Variants in KCNIP1 observed in about 807,000 individuals in gnomAD.
KCNIP1 encodes A-type potassium channel modulatory protein KCNIP1.
In KCNIP1, 18 loss-of-function variants were observed where a neutral mutation model predicts 33.0. The ratio of observed to expected loss-of-function variants is 0.55; its 90% confidence interval spans 0.38 to 0.81. The LOEUF (loss-of-function observed/expected upper bound fraction) is 0.81, where lower values mean the gene tolerates loss of function less well. Among genes scored for constraint, KCNIP1 ranks in the 30% least tolerant of loss-of-function variants. The pLI, the probability that KCNIP1 is intolerant of heterozygous loss-of-function variation, is 0.00. For synonymous variants in KCNIP1, 93 were observed against 98.3 expected, an observed-to-expected ratio of 0.95 and a Z score of 0.32; for missense variants, 238 against 271.6, an observed-to-expected ratio of 0.88 and a Z score of 0.87.
intron 1 of KCNIP1, among the ~76,000 whole-genome samples, chr5:170,365,585 C>T (rs539775176): frequency 2.0e-5 from 3 of 152,314 alleles, no homozygotes; most frequent in East Asian, 1.9e-4. Flanking sequence ...CCAAGGGGCT[C>T]CTCTGGGAGG....
At chr5:170,645,479 A>T (rs1760749060) in intron 1 of KCNIP1, among the ~76,000 whole-genome samples, 1 of 152,194 alleles carries the variant, frequency 6.6e-6, no homozygotes, top group African/African-American at 2.4e-5. Context: ...GAAGACAAAA[A>T]ATGATATAAA....
chr5:170,632,082 C>T (rs1760070788), intron 1 of KCNIP1, among the ~76,000 whole-genome samples: 1 of 152,194 alleles, frequency 6.6e-6, no homozygotes, highest in South Asian at 2.1e-4. Flanking sequence ...AGAGGACCTT[C>T]GTGCCTGTCC....
At chr5:170,692,062 T>C (rs1762741100) in intron 1 of KCNIP1, among the ~76,000 whole-genome samples, 1 of 152,166 alleles carries the variant, frequency 6.6e-6, no homozygotes, top group South Asian at 2.1e-4. Context: ...ATTCAAAAAT[T>C]GCTTGATATA....
At chr5:170,710,342 A>G (rs1763402933) in intron 1 of KCNIP1, among the ~76,000 whole-genome samples, 1 of 152,110 alleles carries the variant, frequency 6.6e-6, no homozygotes, top group Non-Finnish European at 1.5e-5. Flanking sequence ...GACTTTTTGT[A>G]TATATTCTGG....
intron 1 of KCNIP1, among the ~76,000 whole-genome samples, chr5:170,677,046 C>T (rs964556388): frequency 5.3e-5 from 8 of 152,180 alleles, no homozygotes; most frequent in African/African-American, 1.7e-4. Context: ...CCAGACTATA[C>T]GTACTCAATA....
At chr5:170,579,349 T>TA (rs1388223602) in intron 1 of KCNIP1, among the ~76,000 whole-genome samples, 24 of 152,154 alleles carry the variant, frequency 1.6e-4, no homozygotes, top group Middle Eastern at 3.2e-3. Context: ...ACCTGCATTT[T>TA]AAAAAAATCA....
chr5:170,498,581 C>G (rs1374304686), intron 1 of KCNIP1, among the ~76,000 whole-genome samples: 5 of 152,136 alleles, frequency 3.3e-5, no homozygotes, highest in Admixed American at 1.3e-4. Flanking sequence ...TTTCTTCAGC[C>G]CTAGACCTCC....
At chr5:170,634,145 G>A (rs558235875) in intron 1 of KCNIP1, among the ~76,000 whole-genome samples, 48 of 152,332 alleles carry the variant, frequency 3.2e-4, no homozygotes, top group Admixed American at 7.2e-4. Flanking sequence ...ATTGGTCTGA[G>A]CAGATAACCA....
chr5:170,666,318 G>A (rs1219248763), intron 1 of KCNIP1, among the ~76,000 whole-genome samples: 1 of 152,114 alleles, frequency 6.6e-6, no homozygotes, highest in East Asian at 1.9e-4. Context: ...TTTGGGTTTT[G>A]TGTGTGTTTG....
intron 1 of KCNIP1, among the ~76,000 whole-genome samples, chr5:170,591,952 G>T (rs1758278676): frequency 6.6e-6 from 1 of 152,088 alleles, no homozygotes; most frequent in Non-Finnish European, 1.5e-5. Flanking sequence ...AGTTCTTTTG[G>T]ATATGTATCC....
rs548542919 is a variant in KCNIP1, at chr5:170,407,860, A to T, written c.88+53896A>T. Reference sequence around the variant, plus strand: ...TACTGTTTGCTCAAAACACTACCTCATCTTCAGTGGCGTAGTGACAGTGAC... The same window carrying T: ...TACTGTTTGCTCAAAACACTACCTCTTCTTCAGTGGCGTAGTGACAGTGAC... On this transcript the variant is annotated intron_variant, in intron 1 of 7. Transcript: ENST00000377360. 2.3e-3 allele frequency among the ~76,000 whole-genome samples: 338 copies of T among 149,620 alleles called. 2 individuals carry two copies. Among genetic ancestry groups the T allele is most frequent in the Admixed American group, 3.7e-3 (55 of 14,856 alleles).
chr5:170,585,712 G>T (rs1223320529), intron 1 of KCNIP1, among the ~76,000 whole-genome samples: 1 of 152,200 alleles, frequency 6.6e-6, no homozygotes, highest in Non-Finnish European at 1.5e-5. Context: ...GGAAATTAGA[G>T]CTGAATGCAT....
chr5:170,650,800 T>C (rs1194285950), intron 1 of KCNIP1, among the ~76,000 whole-genome samples: 1 of 152,168 alleles, frequency 6.6e-6, no homozygotes, highest in African/African-American at 2.4e-5. Context: ...CATTAATAAA[T>C]TGGATTTCAT....
chr5:170,674,976 T>G (rs1379430611), intron 1 of KCNIP1, among the ~76,000 whole-genome samples: 3 of 41,182 alleles, frequency 7.3e-5, no homozygotes, highest in Non-Finnish European at 1.2e-4. Flanking sequence ...TTTTGTTTTG[T>G]TTTTTTTTTT....
intron 1 of KCNIP1, among the ~76,000 whole-genome samples, chr5:170,643,172 G>A (rs1488936794): frequency 6.6e-6 from 1 of 152,250 alleles, no homozygotes; most frequent in African/African-American, 2.4e-5. Flanking sequence ...AGGCTGGAGT[G>A]ACACCTGGAA....
chr5:170,581,173 A>G (rs538822195), intron 1 of KCNIP1, among the ~76,000 whole-genome samples: 1 of 152,312 alleles, frequency 6.6e-6, no homozygotes, highest in Non-Finnish European at 1.5e-5. Flanking sequence ...CCATCAGGTG[A>G]TCTGTCATGA....
chr5:170,418,854 C>T (rs1755401792), intron 1 of KCNIP1, among the ~76,000 whole-genome samples: 1 of 152,238 alleles, frequency 6.6e-6, no homozygotes, highest in South Asian at 2.1e-4. Flanking sequence ...TTCCTCAACC[C>T]TGGCTTTCTT....
chr5:170,508,270 A>G (rs1754793703), intron 1 of KCNIP1, among the ~76,000 whole-genome samples: 2 of 152,090 alleles, frequency 1.3e-5, no homozygotes, highest in Non-Finnish European at 2.9e-5. Flanking sequence ...GTGAGCTATG[A>G]CTCAACCCCA....
intron 1 of KCNIP1, among the ~76,000 whole-genome samples, chr5:170,647,991 G>A (rs1760859007): frequency 6.6e-6 from 1 of 152,144 alleles, no homozygotes; most frequent in Non-Finnish European, 1.5e-5. Flanking sequence ...ATTTCACCAA[G>A]GAAGATATAC....
Sources: gnomAD v4.1 joint callset for allele counts (sites outside exome capture counted in the v4.1 genomes callset) on GRCh38, gnomAD v4.1.1 for gene constraint, MANE v1.5 for transcripts, NCBI Gene and HGNC (gene_info 2026-07-23, HGNC 2026-07-21) for gene names.